Variants in SRGAP2C observed in about 807,000 individuals in gnomAD.
SRGAP2C encodes SLIT-ROBO Rho GTPase-activating protein 2C.
A neutral mutation model predicts 25.1 loss-of-function variants in SRGAP2C; 15 were observed. The observed-to-expected ratio is 0.60, with a 90% CI of 0.40 to 0.92. SRGAP2C has a LOEUF of 0.92. Ranked by LOEUF, SRGAP2C falls within the 40% of genes least tolerant of loss-of-function variation. The pLI, the probability that SRGAP2C is intolerant of heterozygous loss-of-function variation, is 0.00. For missense variants in SRGAP2C, 144 were observed against 264.4 expected (o/e 0.54, Z 3.16); for synonymous variants, 44 against 96.6 (o/e 0.46, Z 3.19).
At chr1:121,222,145 C>A (rs1553325739) in intron 2 of SRGAP2C, among the ~76,000 whole-genome samples, 1 of 151,980 alleles carries the variant, frequency 6.6e-6, no homozygotes, top group East Asian at 1.9e-4. Flanking sequence ...ATATTATTGT[C>A]CTCTTTTCAG....
Position 121,314,859 on chromosome 1 carries a change from C to T in SRGAP2C, c.261-9619C>T, listed in dbSNP as rs1383944789. ...AGATGGAAATGCAGAAATCACCCGT[C>T]TTCTGTGTCGCTCACGCTGGGAGCT... On this transcript the variant is annotated intron_variant, in intron 3 of 9. Transcript: ENST00000367123. 1,828 of 544,430 alleles carry T rather than the reference C, an allele frequency of 3.4e-3. 30 individuals carry two copies. The highest frequency in any genetic ancestry group is 0.025 in the African/African-American group (1,274 of 51,356). 33.7% of individuals were successfully genotyped at this position (544,430 alleles called of 1,614,324 possible).
rs1438572271 is a variant in SRGAP2C at position 121,317,177 on chromosome 1, G to A, written c.261-7301G>A. Reference sequence around the variant, plus strand: ...GAAGTCTGCAAACATGGGAGAAGCAGGTCAGAAAAAAGAATTTTGATCCTT... The same window carrying A: ...GAAGTCTGCAAACATGGGAGAAGCAAGTCAGAAAAAAGAATTTTGATCCTT... On this transcript the variant is annotated intron_variant, in intron 3 of 9. Transcript: ENST00000367123. Among the ~76,000 whole-genome samples the A allele has an allele frequency of 3.4e-4, 31 of 90,574 alleles. 4 individuals are homozygous for A. The South Asian group carries it at 9.2e-3, about 27-fold the overall frequency. The allele number at this position is 90,574 out of a possible 152,430, so 59.4% of individuals were successfully genotyped here.
intron 2 of SRGAP2C, among the ~76,000 whole-genome samples, chr1:121,217,265 T>C (rs1191739742): frequency 6.7e-6 from 1 of 150,320 alleles, no homozygotes; most frequent in Non-Finnish European, 1.5e-5. Flanking sequence ...GCCTTTGAAA[T>C]CACACATTTG....
At chr1:121,204,699 A>C (rs1297875024) in intron 2 of SRGAP2C, among the ~76,000 whole-genome samples, 1 of 152,056 alleles carries the variant, frequency 6.6e-6, no homozygotes, top group Non-Finnish European at 1.5e-5. Flanking sequence ...CTGCTCCCGG[A>C]TTTAGTTTAT....
chr1:121,207,489 TG>T (rs1655144582), intron 2 of SRGAP2C, among the ~76,000 whole-genome samples: 1 of 151,856 alleles, frequency 6.6e-6, no homozygotes, highest in Non-Finnish European at 1.5e-5. Flanking sequence ...AAAGGCAGCC[TG>T]GGGAGTGTGG....
chr1:121,316,894 A>C (rs1430772336), intron 3 of SRGAP2C, among the ~76,000 whole-genome samples: 1 of 150,896 alleles, frequency 6.6e-6, no homozygotes, highest in Non-Finnish European at 1.5e-5. Context: ...AGGGTTTAAA[A>C]GCCTCTTTAT....
chr1:121,316,893 A>G (rs1456179574), intron 3 of SRGAP2C, among the ~76,000 whole-genome samples: 1 of 150,960 alleles, frequency 6.6e-6, no homozygotes, highest in African/African-American at 2.4e-5. Context: ...GAGGGTTTAA[A>G]AGCCTCTTTA....
intron 4 of SRGAP2C, among the ~76,000 whole-genome samples, chr1:121,359,724 A>G (rs1179980814): frequency 6.6e-6 from 1 of 152,234 alleles, no homozygotes; most frequent in Non-Finnish European, 1.5e-5. Flanking sequence ...GCAGTGAGCT[A>G]TGGTCAGGCC....
chr1:121,315,582 A>G (rs1438875151), intron 3 of SRGAP2C, among the ~76,000 whole-genome samples: 2 of 151,652 alleles, frequency 1.3e-5, no homozygotes, highest in African/African-American at 2.4e-5. Flanking sequence ...CCAGTAAAAT[A>G]TCAACATGGT....
chr1:121,206,318 G>T (rs587752173), intron 2 of SRGAP2C, among the ~76,000 whole-genome samples: 44 of 152,216 alleles, frequency 2.9e-4, no homozygotes, highest in African/African-American at 9.6e-4. Context: ...TTTGCATGTG[G>T]TAGGCACCCA....
At chr1:121,272,260 C>T (rs587682183) in intron 2 of SRGAP2C, among the ~76,000 whole-genome samples, 1 of 145,946 alleles carries the variant, frequency 6.9e-6, no homozygotes, top group East Asian at 2.0e-4. Context: ...CTCATAAAAA[C>T]TCTGTGAGGT....
At chr1:121,191,370 TG>T (rs1558074962) in intron 2 of SRGAP2C, among the ~76,000 whole-genome samples, 1 of 151,944 alleles carries the variant, frequency 6.6e-6, no homozygotes, top group Non-Finnish European at 1.5e-5. Context: ...TGTAAATAGT[TG>T]TTATACTGCT....
intron 2 of SRGAP2C, among the ~76,000 whole-genome samples, chr1:121,250,479 C>CA (rs1553331268): frequency 7.1e-6 from 1 of 140,212 alleles, no homozygotes; most frequent in East Asian, 2.0e-4. Context: ...ATACCTAAAA[C>CA]AAAAGGATTC....
rs1553325723 is a variant in SRGAP2C, at chr1:121,222,022, T to C, written c.67+34509T>C. On this transcript the variant is annotated intron_variant, in intron 2 of 9. Transcript: ENST00000367123. ...TTCAGTTTCATATCCAGTTTCTGCT[T>C]GCCTGAGCTAGAAATGAAGTCATCC... Among the ~76,000 whole-genome samples, 3 of 152,140 alleles carry C rather than the reference T, an allele frequency of 2.0e-5. No individual in the cohort carries two copies. The East Asian group carries it at 5.9e-4, about 30-fold the overall frequency.
At chr1:121,343,358 A>C (rs1570794071) in intron 4 of SRGAP2C, among the ~76,000 whole-genome samples, 1 of 152,042 alleles carries the variant, frequency 6.6e-6, no homozygotes, top group African/African-American at 2.4e-5. Flanking sequence ...ATGGAAATTA[A>C]TTGTACCTGC....
In SRGAP2C at chr1:121,392,290, T is replaced by G. The variant is rs1660117998; in HGVS notation, c.*4435T>G. 1 of 152,016 alleles carries G rather than the reference T, an allele frequency of 6.6e-6. No homozygotes were observed. The highest frequency in any genetic ancestry group is 2.1e-4 in the South Asian group (1 of 4,826). 9.4% of individuals were successfully genotyped at this position (152,016 alleles called of 1,614,324 possible). On this transcript the variant is annotated 3_prime_UTR_variant, in exon 10 of 10. Coordinates refer to ENST00000367123, the MANE Select transcript of SRGAP2C (RefSeq NM_001329984.2). The stretch of plus-strand genomic sequence containing the variant: ...TCTTTTCACCTTTCTTCCTTCTTCC[T>G]TCCCCCTCCTCCTTTTTACTTTTCT...
chr1:121,297,644 C>T (rs1657624856), intron 3 of SRGAP2C, among the ~76,000 whole-genome samples: 1 of 150,136 alleles, frequency 6.7e-6, no homozygotes, highest in African/African-American at 2.5e-5. Flanking sequence ...TAGTTAAGAT[C>T]AGCCACAGAA....
At chr1:121,221,928 C>T (rs1655535346) in intron 2 of SRGAP2C, among the ~76,000 whole-genome samples, 1 of 152,044 alleles carries the variant, frequency 6.6e-6, no homozygotes, top group Non-Finnish European at 1.5e-5. Flanking sequence ...ATGCTAGCGT[C>T]CTAGCCATGC....
At chr1:121,329,896 C>T (rs1658397065) in intron 4 of SRGAP2C, among the ~76,000 whole-genome samples, 1 of 152,050 alleles carries the variant, frequency 6.6e-6, no homozygotes, top group Non-Finnish European at 1.5e-5. Context: ...CTCCTGACAT[C>T]TCCTTTCATG....
Sources: allele counts gnomAD v4.1 joint callset (sites outside exome capture counted in the v4.1 genomes callset), GRCh38; gene constraint gnomAD v4.1.1; transcripts MANE v1.5; gene names NCBI Gene and HGNC (gene_info 2026-07-23, HGNC 2026-07-21).